The following SCRN1 variants were observed in gnomAD, a reference collection of about 807,000 sequenced individuals.
The protein encoded by SCRN1 is secernin 1.
In SCRN1, 19 loss-of-function variants were observed where a neutral mutation model predicts 43.3. The observed-to-expected ratio is 0.44, with a 90% CI of 0.31 to 0.64. The LOEUF is 0.64. SCRN1 is among the 30% of genes least tolerant of loss of function. The probability of loss-of-function intolerance (pLI) is 0.09; values close to 1 mark genes in which losing one functional copy is unlikely to be tolerated. For synonymous variants in SCRN1, 183 were observed against 188.9 expected, an observed-to-expected ratio of 0.97 and a Z score of 0.26; for missense variants, 447 against 524.1, an observed-to-expected ratio of 0.85 and a Z score of 1.44.
At chr7:29,948,134 T>A (rs1041524330) in intron 3 of SCRN1, among the ~76,000 whole-genome samples, 7 of 151,912 alleles carry the variant, frequency 4.6e-5, no homozygotes, top group Admixed American at 2.6e-4. Flanking sequence ...TCTCCATCTC[T>A]CAGTGTCCCG....
chr7:29,944,456 T>C (rs1329251163), intron 3 of SCRN1, among the ~76,000 whole-genome samples: 1 of 150,998 alleles, frequency 6.6e-6, no homozygotes, highest in African/African-American at 2.4e-5. Context: ...AGCTCAGGAG[T>C]TCAAGACCAG....
intron 2 of SCRN1, among the ~76,000 whole-genome samples, chr7:29,959,106 A>G (rs373808552): frequency 2.6e-5 from 4 of 152,336 alleles, no homozygotes; most frequent in African/African-American, 9.6e-5. Context: ...ATTCCAGCAC[A>G]CACTATTTCT....
chr7:29,981,462 T>C (rs961231145), intron 1 of SCRN1, among the ~76,000 whole-genome samples: 1 of 152,242 alleles, frequency 6.6e-6, no homozygotes, highest in African/African-American at 2.4e-5. Flanking sequence ...GAAATGTTTA[T>C]GAGAGCTTTC....
intron 6 of SCRN1, among the ~76,000 whole-genome samples, chr7:29,934,680 C>A (rs2128088036): frequency 6.6e-6 from 1 of 152,266 alleles, no homozygotes; most frequent in East Asian, 1.9e-4. Context: ...AAGGTATGGC[C>A]ATGGAGCCAA....
intron 2 of SCRN1, among the ~76,000 whole-genome samples, chr7:29,968,449 T>C (rs1173136532): frequency 6.6e-6 from 1 of 152,030 alleles, no homozygotes; most frequent in Admixed American, 6.6e-5. Flanking sequence ...GAAAAGTATA[T>C]ATGGCATGCT....
intron 2 of SCRN1, among the ~76,000 whole-genome samples, chr7:29,960,807 G>A (rs1359195639): frequency 6.6e-6 from 1 of 151,806 alleles, no homozygotes; most frequent in Non-Finnish European, 1.5e-5. Context: ...CAGGATTTGG[G>A]GTAAAGTTGA....
Position 29,944,677 on chromosome 7 carries a change from A to AAAAG in SCRN1, c.342-502_342-499dup, listed in dbSNP as rs1554356502. ...GACCCTGTCTCAAAAAAAAAAAAAAAAAAGAAAGAAAGAAAGAAAGAAAAA... is the reference window on the plus strand; with the variant it reads ...GACCCTGTCTCAAAAAAAAAAAAAAAAAAGAAAGAAAGAAAGAAAGAAAGAAAAA... On this transcript the variant is annotated intron_variant, in intron 3 of 7. Coordinates refer to ENST00000242059, the MANE Select transcript of SCRN1 (RefSeq NM_014766.5). Among the ~76,000 whole-genome samples, 305 of 150,746 alleles carry AAAAG rather than the reference A, an allele frequency of 2.0e-3. 4 individuals carry two copies. The East Asian group carries it at 0.029, about 14-fold the overall frequency.
chr7:29,936,377 A>T (rs959519556), intron 6 of SCRN1, among the ~76,000 whole-genome samples, 179 bp downstream of exon 6: 2 of 152,224 alleles, frequency 1.3e-5, no homozygotes, highest in Admixed American at 1.3e-4. Context: ...TGTGACTAAA[A>T]CCAAGGAATT....
downstream of SCRN1, chr7:29,920,107 T>A (rs1562795974): frequency 6.6e-6 from 1 of 152,526 alleles, no homozygotes. Context: ...CTCCACTGGA[T>A]GTTAATTTCA....
intron 5 of SCRN1, among the ~76,000 whole-genome samples, chr7:29,940,020 T>C (rs1377457257): frequency 1.3e-5 from 2 of 151,478 alleles, no homozygotes; most frequent in African/African-American, 4.9e-5. Flanking sequence ...AATGGTGGCA[T>C]ATGTTTGTAG....
intron 2 of SCRN1, among the ~76,000 whole-genome samples, chr7:29,963,935 A>T (rs370163757): frequency 2.6e-5 from 4 of 152,352 alleles, no homozygotes; most frequent in African/African-American, 9.6e-5. Context: ...TAATAGTAGT[A>T]TACATAATGT....
At chr7:29,958,920 A>T (rs1055098833) in intron 2 of SCRN1, among the ~76,000 whole-genome samples, 3 of 152,120 alleles carry the variant, frequency 2.0e-5, no homozygotes, top group South Asian at 4.1e-4. Flanking sequence ...TGAGCTTGCC[A>T]CTCTCTCAGG....
chr7:29,959,994 AAAGGAAGG>A (rs200431068), intron 2 of SCRN1, among the ~76,000 whole-genome samples: 1 of 120,382 alleles, frequency 8.3e-6, no homozygotes, highest in South Asian at 3.4e-4. Context: ...GAAAGGAAGG[AAAGGAAGG>A]AAGGAAGGGA....
chr7:29,938,116 C>A (rs935004219), intron 5 of SCRN1, among the ~76,000 whole-genome samples: 3 of 152,102 alleles, frequency 2.0e-5, no homozygotes, highest in Non-Finnish European at 2.9e-5. Context: ...GCATCCTCCG[C>A]CTCCCAGATT....
chr7:29,940,648 G>C, intron 5 of SCRN1, 34 bp downstream of exon 5: 1 of 1,550,564 alleles, frequency 6.4e-7, no homozygotes, highest in Non-Finnish European at 8.7e-7. Flanking sequence ...GAAAGGGTAT[G>C]AGAAGGAGAA....
At chr7:29,969,792 C>G (rs1196442431) in intron 1 of SCRN1, 2 of 456,092 alleles carry the variant, frequency 4.4e-6, no homozygotes, top group African/African-American at 4.0e-5. Context: ...TTAATTCCAG[C>G]TGGGTTCTCA....
chr7:29,961,784 C>T (rs1011899068), intron 2 of SCRN1, among the ~76,000 whole-genome samples: 2 of 146,548 alleles, frequency 1.4e-5, no homozygotes, highest in African/African-American at 5.0e-5. Flanking sequence ...GGGCTGACCC[C>T]CCCACCTCCC....
Position 29,940,812 on chromosome 7 carries a change from T to A in SCRN1, c.609A>T (p.Glu203Asp). ...LTTKMDAEHP[E>D]LRSYAQSQGW... is the part of the protein sequence containing the mutation. Reference sequence around the variant, plus strand: ...CTTGGCTCTGAGCGTAACTCCTGAGTTCCGGATGCTCTGCATCCATCTTAG... The same window carrying A: ...CTTGGCTCTGAGCGTAACTCCTGAGATCCGGATGCTCTGCATCCATCTTAG... Residue 203 changes from glutamate (E) to aspartate (D), a missense_variant, in exon 5 of 8, where the codon GAA becomes GAT. Coordinates refer to ENST00000242059, the MANE Select transcript of SCRN1 (RefSeq NM_014766.5). 2 of 1,604,332 alleles carry A rather than the reference T, an allele frequency of 1.2e-6. No homozygotes were observed. The highest frequency in any genetic ancestry group is 1.7e-6 in the Non-Finnish European group (2 of 1,177,422).
chr7:29,988,082 G>A (rs1272624752), intron 1 of SCRN1, among the ~76,000 whole-genome samples: 1 of 152,124 alleles, frequency 6.6e-6, no homozygotes, highest in South Asian at 2.1e-4. Flanking sequence ...CACCTTTCAA[G>A]AATTTCCCAT....
Sources: allele counts gnomAD v4.1 joint callset (sites outside exome capture counted in the v4.1 genomes callset), GRCh38; gene constraint gnomAD v4.1.1; transcripts MANE v1.5; gene names NCBI Gene and HGNC (gene_info 2026-07-23, HGNC 2026-07-21).